The following FAM171B variants were observed in gnomAD, a reference collection of about 807,000 sequenced individuals.
FAM171B encodes protein FAM171B.
FAM171B carries 19 observed loss-of-function variants against 75.6 expected under a neutral mutation model. The observed-to-expected ratio is 0.25, with a 90% CI of 0.18 to 0.37. The LOEUF (loss-of-function observed/expected upper bound fraction) is 0.37, where lower values mean the gene tolerates loss of function less well. FAM171B is among the 10% of genes least tolerant of loss of function. FAM171B has a pLI of 1.00. For missense variants in FAM171B, 848 were observed against 982.4 expected (o/e 0.86, Z 1.83); for synonymous variants, 367 against 361.7 (o/e 1.01, Z -0.17).
chr2:186,746,671 T>C (rs908505481), intron 3 of FAM171B, among the ~76,000 whole-genome samples: 1 of 152,214 alleles, frequency 6.6e-6, no homozygotes, highest in African/African-American at 2.4e-5. Context: ...ACACACATTG[T>C]ATCTCATTAA....
chr2:186,734,970 T>C (rs1157064303), intron 1 of FAM171B, among the ~76,000 whole-genome samples: 1 of 152,206 alleles, frequency 6.6e-6, no homozygotes, highest in African/African-American at 2.4e-5. Flanking sequence ...AGCAGGCACT[T>C]TCAAGCCTGT....
In FAM171B at chr2:186,764,462, CCTTT is replaced by C. The variant is rs1285446068; in HGVS notation, c.*1640_*1643del. ...AATGTTTTGGGTAATACCTAGGCTT[CCTTT>C]TTTTTTTTTTTTTTTTTTTTTTAGT... On this transcript the variant is annotated 3_prime_UTR_variant, in exon 8 of 8. Transcript: ENST00000304698. 2 of 104,846 alleles carry C rather than the reference CCTTT, an allele frequency of 1.9e-5. No homozygotes were observed. The highest frequency in any genetic ancestry group is 4.0e-5 in the Non-Finnish European group (2 of 49,560). The allele number at this position is 104,846 out of a possible 1,614,324, so 6.5% of individuals were successfully genotyped here.
At chr2:186,757,327 A>G (rs2682875) in intron 6 of FAM171B, among the ~76,000 whole-genome samples, 10,978 of 151,634 alleles carry the variant, frequency 0.072, 424 homozygotes, top group Non-Finnish European at 0.094. Flanking sequence ...AACAAAAGAC[A>G]CTCCTAGACT....
chr2:186,717,382 A>G (rs1473587783), intron 1 of FAM171B, among the ~76,000 whole-genome samples: 2 of 152,158 alleles, frequency 1.3e-5, no homozygotes, highest in Admixed American at 1.3e-4. Context: ...ATCCATACAT[A>G]AATAAGATTC....
chr2:186,705,389 T>C (rs1307041361), intron 1 of FAM171B, among the ~76,000 whole-genome samples: 2 of 152,036 alleles, frequency 1.3e-5, no homozygotes, highest in Non-Finnish European at 2.9e-5. Context: ...TAGTCCTCTG[T>C]TTGGTCTGTT....
intron 1 of FAM171B, among the ~76,000 whole-genome samples, chr2:186,710,807 T>C (rs1689800519): frequency 6.6e-6 from 1 of 152,160 alleles, no homozygotes; most frequent in Admixed American, 6.6e-5. Flanking sequence ...AATTGGGTAA[T>C]GAATATCCAT....
Position 186,761,667 on chromosome 2 carries a change from C to T in FAM171B, c.1325C>T (p.Pro442Leu). Reference sequence around the variant, plus strand: ...TCATATAGTCCTCAGAAAAAGGAACCATCAAAGGCAGAAACAGAAGAAAGA... The same window carrying T: ...TCATATAGTCCTCAGAAAAAGGAACTATCAAAGGCAGAAACAGAAGAAAGA... ...NSSYSPQKKE[P>L]SKAETEERVS... Residue 442 changes from proline (P) to leucine (L), a missense_variant, in exon 8 of 8, where the codon CCA becomes CTA. By Grantham distance (98) the Pro-to-Leu change is moderately conservative. Around this residue, in one of 3 missense-constraint regions of FAM171B, gnomAD observed 665 missense variants for 729.0 expected, o/e 0.91. Coordinates refer to ENST00000304698, the MANE Select transcript of FAM171B (RefSeq NM_177454.4). 2 of 1,611,746 alleles carry T rather than the reference C, an allele frequency of 1.2e-6. No individual in the cohort carries two copies. The highest frequency in any genetic ancestry group is 1.7e-6 in the Non-Finnish European group (2 of 1,179,286).
chr2:186,728,223 A>G (rs1690063194), intron 1 of FAM171B, among the ~76,000 whole-genome samples: 1 of 152,240 alleles, frequency 6.6e-6, no homozygotes, highest in Non-Finnish European at 1.5e-5. Context: ...AGGAATTTTT[A>G]TACATATTCT....
chr2:186,739,159 T>G (rs971563955), intron 1 of FAM171B, among the ~76,000 whole-genome samples: 3 of 152,248 alleles, frequency 2.0e-5, no homozygotes, highest in African/African-American at 7.2e-5. Flanking sequence ...ATAGTACACT[T>G]GTAAAGGGCA....
At chr2:186,725,140 T>C (rs1017046890) in intron 1 of FAM171B, among the ~76,000 whole-genome samples, 1 of 151,992 alleles carries the variant, frequency 6.6e-6, no homozygotes, top group African/African-American at 2.4e-5. Context: ...GTCAGGAGAT[T>C]GAGACCATCT....
intron 1 of FAM171B, among the ~76,000 whole-genome samples, chr2:186,695,582 G>A (rs184951000): frequency 6.6e-6 from 1 of 152,170 alleles, no homozygotes; most frequent in Non-Finnish European, 1.5e-5. Context: ...AGGCATGCCA[G>A]CTGCGATTCA....
chr2:186,723,459 T>A (rs1689984803), intron 1 of FAM171B, among the ~76,000 whole-genome samples: 1 of 152,092 alleles, frequency 6.6e-6, no homozygotes, highest in East Asian at 1.9e-4. Context: ...GTCTTTTTTT[T>A]ATTATTATTT....
At chr2:186,742,257 A>C (rs1471835240) in intron 2 of FAM171B, among the ~76,000 whole-genome samples, 1 of 152,160 alleles carries the variant, frequency 6.6e-6, no homozygotes, top group Non-Finnish European at 1.5e-5. Flanking sequence ...CGTGAAAAGA[A>C]ATCTGAATGT....
At chr2:186,708,953 A>C (rs992876778) in intron 1 of FAM171B, among the ~76,000 whole-genome samples, 1 of 152,198 alleles carries the variant, frequency 6.6e-6, no homozygotes, top group Non-Finnish European at 1.5e-5. Flanking sequence ...ATTTTTAAGA[A>C]AGGAGGTTTA....
chr2:186,732,098 A>G (rs1272527230), intron 1 of FAM171B, among the ~76,000 whole-genome samples: 3 of 152,162 alleles, frequency 2.0e-5, no homozygotes, highest in African/African-American at 7.2e-5. Context: ...TCCATGAAAA[A>G]ATTGTCTTCT....
intron 1 of FAM171B, among the ~76,000 whole-genome samples, chr2:186,702,319 A>G (rs565651893): frequency 6.6e-6 from 1 of 152,340 alleles, no homozygotes; most frequent in African/African-American, 2.4e-5. Context: ...GTATCTAAAC[A>G]TAGAAAAGGC....
chr2:186,730,719 A>G (rs1690102553), intron 1 of FAM171B, among the ~76,000 whole-genome samples: 1 of 152,228 alleles, frequency 6.6e-6, no homozygotes, highest in Non-Finnish European at 1.5e-5. Flanking sequence ...TGGATTAGAA[A>G]ACGTTTTAGA....
chr2:186,717,370 A>G (rs1689889144), intron 1 of FAM171B, among the ~76,000 whole-genome samples: 1 of 152,166 alleles, frequency 6.6e-6, no homozygotes, highest in Non-Finnish European at 1.5e-5. Context: ...GAGTGAGGAG[A>G]GATCCATACA....
chr2:186,755,604 T>C (rs922744674), intron 6 of FAM171B, among the ~76,000 whole-genome samples: 1 of 152,208 alleles, frequency 6.6e-6, no homozygotes, highest in Non-Finnish European at 1.5e-5. Flanking sequence ...CATCTAACAT[T>C]ATTATGACTG....
Sources: gnomAD v4.1 joint callset for allele counts (sites outside exome capture counted in the v4.1 genomes callset) on GRCh38, gnomAD v4.1.1 for gene constraint, gnomAD v4.1.1 regional missense constraint, MANE v1.5 for transcripts, NCBI Gene and HGNC (gene_info 2026-07-23, HGNC 2026-07-21) for gene names.